RBFOX1: variants seen among roughly 807,000 people sequenced by gnomAD.
RBFOX1 encodes the protein RNA binding fox-1 homolog 1, also known as RNA binding protein fox-1 homolog 1.
In RBFOX1, 8 loss-of-function variants were observed where a neutral mutation model predicts 57.7. The observed-to-expected ratio is 0.14, with a 90% CI of 0.08 to 0.25. The LOEUF (loss-of-function observed/expected upper bound fraction) is 0.25. Ranked by LOEUF, RBFOX1 falls within the 10% of genes least tolerant of loss-of-function variation. RBFOX1 has a pLI of 1.00. For missense variants in RBFOX1, 611 were observed against 548.5 expected (o/e 1.11, Z -1.14); for synonymous variants, 326 against 222.4 (o/e 1.47, Z -4.15).
At chr16:6,975,689 C>G (rs1445122870) in intron 3 of RBFOX1, among the ~76,000 whole-genome samples, 1 of 152,168 alleles carries the variant, frequency 6.6e-6, no homozygotes, top group Non-Finnish European at 1.5e-5. Flanking sequence ...AATATCTTCC[C>G]TTGGAACATC....
At chr16:6,887,111 A>G (rs984733944) in intron 3 of RBFOX1, among the ~76,000 whole-genome samples, 1 of 152,176 alleles carries the variant, frequency 6.6e-6, no homozygotes, top group African/African-American at 2.4e-5. Context: ...TCCCTCACCA[A>G]ACTCATGAAG....
chr16:7,325,384 A>G (rs995616401), intron 4 of RBFOX1, among the ~76,000 whole-genome samples: 3 of 152,228 alleles, frequency 2.0e-5, no homozygotes, highest in Non-Finnish European at 4.4e-5. Context: ...ATGTGGTTTA[A>G]TGTGAGCTCT....
intron 4 of RBFOX1, among the ~76,000 whole-genome samples, chr16:7,390,185 C>T (rs1391121567): frequency 3.3e-5 from 5 of 152,126 alleles, no homozygotes; most frequent in African/African-American, 9.7e-5. Flanking sequence ...GGGATGTTTG[C>T]TCCCATTATT....
chr16:6,081,098 C>T (rs993378315), intron 1 of RBFOX1, among the ~76,000 whole-genome samples: 7 of 152,170 alleles, frequency 4.6e-5, no homozygotes, highest in African/African-American at 1.7e-4. Context: ...GCATGGTGTC[C>T]CTTTGCCCTG....
intron 14 of RBFOX1, among the ~76,000 whole-genome samples, chr16:7,689,291 C>T (rs2076819344): frequency 1.3e-5 from 2 of 152,042 alleles, no homozygotes; most frequent in South Asian, 4.1e-4. Flanking sequence ...TCTTCTCCAC[C>T]CCCAACCAAG....
At chr16:5,765,801 A>G (rs990666302) in intron 3 of RBFOX1, among the ~76,000 whole-genome samples, 17 of 152,210 alleles carry the variant, frequency 1.1e-4, no homozygotes, top group Non-Finnish European at 8.8e-5. Flanking sequence ...CAAGTACAGG[A>G]TGCTCATCCC....
intron 4 of RBFOX1, among the ~76,000 whole-genome samples, chr16:5,921,490 C>T (rs758927300): frequency 1.3e-5 from 2 of 151,996 alleles, no homozygotes; most frequent in Non-Finnish European, 2.9e-5. Flanking sequence ...CTGAGAAGGA[C>T]CGATGAGGGC....
At chr16:6,756,110 T>C (rs1042047295) in intron 3 of RBFOX1, among the ~76,000 whole-genome samples, 4 of 152,322 alleles carry the variant, frequency 2.6e-5, no homozygotes, top group Admixed American at 2.0e-4. Flanking sequence ...TGGTCATTCA[T>C]AGTAGAAACC....
chr16:5,688,405 A>T (rs930071844), intron 3 of RBFOX1, among the ~76,000 whole-genome samples: 1 of 152,252 alleles, frequency 6.6e-6, no homozygotes, highest in Admixed American at 6.5e-5. Flanking sequence ...GGGATAATTT[A>T]TGTCTGTACA....
intron 1 of RBFOX1, among the ~76,000 whole-genome samples, chr16:6,083,390 A>C (rs764884460): frequency 6.6e-6 from 1 of 152,172 alleles, no homozygotes; most frequent in Non-Finnish European, 1.5e-5. Context: ...CATATTTAAA[A>C]CATGTGTTCC....
intron 3 of RBFOX1, among the ~76,000 whole-genome samples, chr16:5,740,605 T>C (rs1279679406): frequency 1.3e-5 from 2 of 152,162 alleles, no homozygotes; most frequent in African/African-American, 2.4e-5. Context: ...CAGGAGAAGC[T>C]GTGGCTTCAG....
chr16:7,151,848 A>T (rs1291030212), intron 4 of RBFOX1, among the ~76,000 whole-genome samples: 1 of 152,090 alleles, frequency 6.6e-6, no homozygotes, highest in Non-Finnish European at 1.5e-5. Context: ...TGCACAGTTC[A>T]CAAGAGGATT....
intron 4 of RBFOX1, among the ~76,000 whole-genome samples, chr16:7,430,714 A>G (rs1200617583): frequency 1.3e-5 from 2 of 151,792 alleles, no homozygotes; most frequent in South Asian, 4.2e-4. Context: ...AGTTGCCAGC[A>G]TGGCATGGAA....
At chr16:5,604,514 T>C (rs1158271645), downstream of RBFOX1, among the ~76,000 whole-genome samples, 1 of 152,206 alleles carries the variant, frequency 6.6e-6, no homozygotes, top group African/African-American at 2.4e-5. Flanking sequence ...AATGTGACAG[T>C]GTGCTTTTCC....
intron 3 of RBFOX1, among the ~76,000 whole-genome samples, chr16:6,770,915 G>A (rs573114598): frequency 2.4e-4 from 37 of 152,224 alleles, no homozygotes; most frequent in African/African-American, 8.4e-4. Flanking sequence ...TTGGGTCTGA[G>A]AATTACCTCT....
intron 4 of RBFOX1, among the ~76,000 whole-genome samples, chr16:5,973,873 A>G (rs1482256829): frequency 1.3e-5 from 2 of 152,188 alleles, no homozygotes; most frequent in African/African-American, 4.8e-5. Context: ...AATCTCCTGT[A>G]CCTTAAACTT....
chr16:7,357,648 A>T (rs558918943), intron 4 of RBFOX1, among the ~76,000 whole-genome samples: 1 of 152,042 alleles, frequency 6.6e-6, no homozygotes, highest in South Asian at 2.1e-4. Flanking sequence ...AGCCATTTTC[A>T]GTCTCTTGCG....
chr16:5,559,891 C>T (rs1386062), intron 2 of RBFOX1, among the ~76,000 whole-genome samples: 63,184 of 151,922 alleles, frequency 0.42, 13,429 homozygotes, highest in Admixed American at 0.49. Flanking sequence ...GTACTCCAGC[C>T]ATCCTGAGAT....
intron 3 of RBFOX1, among the ~76,000 whole-genome samples, chr16:5,806,513 T>C (rs2055232519): frequency 1.3e-5 from 2 of 152,214 alleles, no homozygotes; most frequent in African/African-American, 4.8e-5. Context: ...CCTTACCTCT[T>C]AATACCAACA....
Sources: gnomAD v4.1 joint callset for allele counts (sites outside exome capture counted in the v4.1 genomes callset) on GRCh38, gnomAD v4.1.1 for gene constraint, MANE v1.5 for transcripts, NCBI Gene and HGNC (gene_info 2026-07-23, HGNC 2026-07-21) for gene names.